Variants in CTNND2 observed in about 807,000 individuals in gnomAD.
The protein encoded by CTNND2 is catenin delta-2.
In CTNND2, 22 loss-of-function variants were observed where a neutral mutation model predicts 144.4. That is an observed-to-expected ratio of 0.15 (90% CI 0.11 to 0.22). The LOEUF (loss-of-function observed/expected upper bound fraction) is 0.22, where lower values mean the gene tolerates loss of function less well. Ranked by LOEUF, CTNND2 falls within the 10% of genes least tolerant of loss-of-function variation. The probability of loss-of-function intolerance (pLI) is 1.00; values close to 1 mark genes in which losing one functional copy is unlikely to be tolerated. For synonymous variants in CTNND2, 751 were observed against 695.6 expected, an observed-to-expected ratio of 1.08 and a Z score of -1.25; for missense variants, 1,353 against 1,618.8, an observed-to-expected ratio of 0.84 and a Z score of 2.82.
chr5:11,382,823 G>A (rs1333137609), intron 7 of CTNND2, among the ~76,000 whole-genome samples: 20 of 152,088 alleles, frequency 1.3e-4, no homozygotes, highest in South Asian at 8.3e-4. Flanking sequence ...GCCTCGAATG[G>A]TATCAAGCAC....
intron 2 of CTNND2, among the ~76,000 whole-genome samples, chr5:11,688,203 C>G (rs1482105317): frequency 6.6e-6 from 1 of 152,114 alleles, no homozygotes; most frequent in African/African-American, 2.4e-5. Flanking sequence ...ATCTTCCAAG[C>G]TGGCTCAAGA....
At chr5:11,026,561 TA>T (rs952931513) in intron 16 of CTNND2, among the ~76,000 whole-genome samples, 2 of 151,996 alleles carry the variant, frequency 1.3e-5, no homozygotes, top group Non-Finnish European at 2.9e-5. Flanking sequence ...TTCACCATGT[TA>T]GCCAGGCTGG....
At chr5:11,871,057 C>T (rs1735074823) in intron 1 of CTNND2, among the ~76,000 whole-genome samples, 1 of 152,072 alleles carries the variant, frequency 6.6e-6, no homozygotes, top group Admixed American at 6.5e-5. Context: ...TGGGATTTGC[C>T]CTCTTGCAAG....
At chr5:11,179,571 T>C (rs779790438) in intron 11 of CTNND2, among the ~76,000 whole-genome samples, 6 of 152,152 alleles carry the variant, frequency 3.9e-5, no homozygotes, top group African/African-American at 7.2e-5. Context: ...AATGTCTCCA[T>C]TTTTAGTTAT....
At chr5:11,656,516 T>A (rs966484248) in intron 2 of CTNND2, among the ~76,000 whole-genome samples, 2 of 152,054 alleles carry the variant, frequency 1.3e-5, no homozygotes, top group African/African-American at 4.8e-5. Flanking sequence ...CCAGATTCTC[T>A]CTGTCAGTCA....
intron 1 of CTNND2, among the ~76,000 whole-genome samples, chr5:11,736,501 T>G (rs893330492): frequency 6.6e-6 from 1 of 152,188 alleles, no homozygotes; most frequent in Non-Finnish European, 1.5e-5. Context: ...CTATTGTGTC[T>G]GGACAGAAAA....
At chr5:11,620,870 T>A (rs1780798859) in intron 2 of CTNND2, among the ~76,000 whole-genome samples, 1 of 152,250 alleles carries the variant, frequency 6.6e-6, no homozygotes, top group East Asian at 1.9e-4. Context: ...AATTTCTGGA[T>A]GTCGAATACC....
chr5:11,112,664 T>C (rs1356562765), intron 13 of CTNND2, among the ~76,000 whole-genome samples: 1 of 152,190 alleles, frequency 6.6e-6, no homozygotes, highest in Non-Finnish European at 1.5e-5. Flanking sequence ...GCTCTTCAAA[T>C]GTTCATATCA....
At chr5:11,858,098 T>C (rs1795333753) in intron 1 of CTNND2, among the ~76,000 whole-genome samples, 1 of 152,206 alleles carries the variant, frequency 6.6e-6, no homozygotes, top group Non-Finnish European at 1.5e-5. Context: ...CCATGGACCA[T>C]TTTTTAAAGT....
chr5:11,437,866 G>A (rs1477926971), intron 3 of CTNND2, among the ~76,000 whole-genome samples: 1 of 152,202 alleles, frequency 6.6e-6, no homozygotes, highest in Non-Finnish European at 1.5e-5. Context: ...GCAGTGAGAA[G>A]AATATTCCAC....
chr5:11,660,984 GTTGC>G (rs1390719557), intron 2 of CTNND2, among the ~76,000 whole-genome samples: 1 of 152,106 alleles, frequency 6.6e-6, no homozygotes, highest in Non-Finnish European at 1.5e-5. Flanking sequence ...TGGCTACTCA[GTTGC>G]TAGATCAGAG....
At chr5:11,410,829 G>T (rs1489575630) in intron 5 of CTNND2, among the ~76,000 whole-genome samples, 1 of 151,086 alleles carries the variant, frequency 6.6e-6, no homozygotes, top group Non-Finnish European at 1.5e-5. Flanking sequence ...TGCTTTTTAT[G>T]ATTTCTACCA....
At chr5:11,688,934 T>C (rs1784777528) in intron 2 of CTNND2, among the ~76,000 whole-genome samples, 1 of 152,200 alleles carries the variant, frequency 6.6e-6, no homozygotes, top group Admixed American at 6.5e-5. Flanking sequence ...GGAGTTGCCC[T>C]TTTGATGAAT....
intron 3 of CTNND2, among the ~76,000 whole-genome samples, chr5:11,485,837 T>C (rs1581310139): frequency 1.3e-5 from 2 of 152,184 alleles, no homozygotes; most frequent in East Asian, 3.9e-4. Flanking sequence ...TATTTTATAA[T>C]CTTTCATTGA....
At chr5:11,095,862 C>A (rs1199413911) in intron 15 of CTNND2, among the ~76,000 whole-genome samples, 6 of 151,908 alleles carry the variant, frequency 3.9e-5, no homozygotes, top group African/African-American at 1.5e-4. Flanking sequence ...GTTTTCTGTG[C>A]CTGGGGCTCC....
intron 15 of CTNND2, among the ~76,000 whole-genome samples, chr5:11,094,982 T>G (rs1247662390): frequency 6.6e-6 from 1 of 152,248 alleles, no homozygotes; most frequent in Non-Finnish European, 1.5e-5. Flanking sequence ...GCTGAACTAA[T>G]GCACAGATTT....
intron 1 of CTNND2, among the ~76,000 whole-genome samples, chr5:11,774,493 A>G (rs540919890): frequency 6.9e-6 from 1 of 145,862 alleles, no homozygotes; most frequent in African/African-American, 2.4e-5. Context: ...TGGCACATGT[A>G]TACATATGTA....
chr5:11,838,563 T>A (rs2126977825), intron 1 of CTNND2, among the ~76,000 whole-genome samples: 1 of 152,278 alleles, frequency 6.6e-6, no homozygotes, highest in East Asian at 1.9e-4. Flanking sequence ...TGTGACAGAT[T>A]CAGTTTCAAG....
chr5:11,739,096 A>T (rs1407446069), intron 1 of CTNND2, among the ~76,000 whole-genome samples: 1 of 152,186 alleles, frequency 6.6e-6, no homozygotes, highest in African/African-American at 2.4e-5. Flanking sequence ...ACTGCTCCAG[A>T]GCTAGAGATG....
Sources: gnomAD v4.1 joint callset for allele counts (sites outside exome capture counted in the v4.1 genomes callset) on GRCh38, gnomAD v4.1.1 for gene constraint, MANE v1.5 for transcripts, NCBI Gene and HGNC (gene_info 2026-07-23, HGNC 2026-07-21) for gene names.